The following PELP1 variants were observed in gnomAD, a reference collection of about 807,000 sequenced individuals.
PELP1 encodes the protein proline, glutamate and leucine rich protein 1.
In PELP1, 32 loss-of-function variants were observed where a neutral mutation model predicts 95.5. The observed-to-expected ratio is 0.34, with a 90% confidence interval of 0.25 to 0.45. The LOEUF is 0.45. Ranked by LOEUF, PELP1 falls within the 20% of genes least tolerant of loss-of-function variation. The pLI is 1.00. For synonymous variants in PELP1, 668 were observed against 600.1 expected, an observed-to-expected ratio of 1.11 and a Z score of -1.65; for missense variants, 1,358 against 1,444.8, an observed-to-expected ratio of 0.94 and a Z score of 0.97.
In PELP1 at chr17:4,673,290, A is replaced by T; in HGVS notation, c.1805T>A (p.Leu602Gln). The T allele has an allele frequency of 6.3e-7, 1 of 1,582,024 alleles. No homozygotes were observed. The highest frequency in any genetic ancestry group is 1.2e-5 in the South Asian group (1 of 86,734). Residue 602 changes from leucine (L) to glutamine (Q), a missense_variant, in exon 15 of 17, where the codon CTG becomes CAG. Physicochemically the swap from Leu to Gln is moderately radical, Grantham distance 113 (BLOSUM62 -2). Transcript: ENST00000572293. This position sits in a 1 kb window ranked among gnomAD's most constrained non-coding sequence, Gnocchi z 5.7. ...PRCPPPLACA[L>Q]QAFSLGQRED... ...TCGCTGGCCGAGGGAGAAGGCTTGC[A>T]GGGCACAGGCAAGAGGAGGTGGGCA...
intron 5 of PELP1, among the ~76,000 whole-genome samples, chr17:4,679,424 TAAA>T (rs538478582): frequency 6.6e-6 from 1 of 151,986 alleles, no homozygotes; most frequent in South Asian, 2.1e-4. Flanking sequence ...ACACTGAAAA[TAAA>T]AAAGCAACAG....
intron 1 of PELP1, among the ~76,000 whole-genome samples, chr17:4,700,406 A>G (rs1913478055): frequency 6.6e-6 from 1 of 151,930 alleles, no homozygotes; most frequent in South Asian, 2.1e-4. Flanking sequence ...GCACTTTGGG[A>G]GGTCGAGTGG....
In PELP1 at chr17:4,673,555, C is replaced by T; in HGVS notation, c.1638+64G>A. 1.3e-6 allele frequency: 2 copies of T among 1,566,476 alleles called. No homozygotes were observed. Among genetic ancestry groups the T allele is most frequent in the South Asian group, 2.2e-5 (2 of 90,106 alleles). ...GGAATGGACCCACCTCTGGGCCACA[C>T]CCCCCAATGTGTACAGAGCAGGGGC... On this transcript the variant is annotated intron_variant, in intron 14 of 16. Transcript: ENST00000572293. The surrounding 1 kb of genome is among the most constrained non-coding windows in gnomAD (Gnocchi z 5.7).
intron 1 of PELP1, among the ~76,000 whole-genome samples, chr17:4,692,882 C>T (rs747992025): frequency 5.3e-5 from 8 of 152,080 alleles, no homozygotes; most frequent in Non-Finnish European, 1.0e-4. Context: ...TGGTGACACG[C>T]GCCTGTCATC....
In PELP1 at chr17:4,671,998, T is replaced by A; in HGVS notation, c.2993A>T (p.Glu998Val). 1.3e-6 allele frequency: 2 copies of A among 1,558,098 alleles called. No homozygotes were observed. Reference sequence around the variant, plus strand: ...AAGCAGCCCGGGTTCAGGTTCGGGTTCTGGCTGCACCTTTGGGGGAGACTC... The same window carrying A: ...AAGCAGCCCGGGTTCAGGTTCGGGTACTGGCTGCACCTTTGGGGGAGACTC... ...PPESPPKVQP[E>V]PEPEPGLLLE... The change falls in exon 16 of 17, where the codon GAA becomes GTA. Residue 998 changes from glutamate to valine, a missense_variant. Glu to Val is a moderately radical substitution (Grantham distance 121). Coordinates refer to ENST00000572293, the MANE Select transcript of PELP1 (RefSeq NM_014389.3).
chr17:4,675,609 T>C lies in PELP1; in HGVS notation c.1068+188A>G. On this transcript the variant is annotated intron_variant, in intron 9 of 16. Coordinates refer to ENST00000572293, the MANE Select transcript of PELP1 (RefSeq NM_014389.3). The surrounding 1 kb of genome is among the most constrained non-coding windows in gnomAD (Gnocchi z 4.3). The stretch of plus-strand genomic sequence containing the variant: ...AAATTCACCCTCCCCCAAGGAAGCA[T>C]TTGCTACACTCTGACACTGTGCTCC... 1.4e-6 allele frequency: 1 copy of C among 713,086 alleles called. No individual in the cohort carries two copies. Among genetic ancestry groups the C allele is most frequent in the Non-Finnish European group, 2.6e-6 (1 of 390,010 alleles). The allele number at this position is 713,086 out of a possible 1,614,324, so 44.2% of individuals were successfully genotyped here.
At position 4,670,330 on chromosome 17, in the gene PELP1, C is replaced by CA. The variant is rs1206298412; in HGVS notation, c.*1108dup. On this transcript the variant is annotated 3_prime_UTR_variant, in exon 17 of 17. Coordinates refer to ENST00000572293, the MANE Select transcript of PELP1 (RefSeq NM_014389.3). ...AAAAAAAACCACGGGGCCCCTAGTT[C>CA]AAGCCCACCAATCTTGGTACCCTCT... is the stretch of plus-strand genomic sequence containing the variant. The CA allele has an allele frequency of 6.6e-6, 1 of 152,178 alleles. No individual in the cohort carries two copies. The highest frequency in any genetic ancestry group is 1.9e-4 in the East Asian group (1 of 5,200). The allele number at this position is 152,178 out of a possible 1,614,324, so 9.4% of individuals were successfully genotyped here.
In PELP1 at chr17:4,673,074, C is replaced by T. The variant is rs748093664; in HGVS notation, c.1917G>A (p.Gln639=). The T allele has an allele frequency of 9.2e-6, 14 of 1,525,214 alleles. No homozygotes were observed. Among genetic ancestry groups the T allele is most frequent in the Non-Finnish European group, 1.2e-5 (14 of 1,139,178 alleles). 94.5% of individuals were successfully genotyped at this position (1,525,214 alleles called of 1,614,324 possible). ...ALTHPRVPPL[Q]PMGPTCPTPA... ...GTGTGGGGCAGGTGGGGCCCATGGG[C>T]TGCAGGGGAGGAACCCGGGGGTGGG... Residue 639 remains glutamine, a synonymous_variant, in exon 16 of 17, where the codon CAG becomes CAA. Transcript: ENST00000572293. The surrounding 1 kb of genome is among the most constrained non-coding windows in gnomAD (Gnocchi z 5.7).
rs971269375 is a variant in PELP1, at chr17:4,696,415, T to C, written c.250-4973A>G. ...CAAAGAACAACAAGGAGACAAATTG[T>C]TGATGGAGAAAAGTGAGCAAGGTGG... On this transcript the variant is annotated intron_variant, in intron 1 of 16. Transcript: ENST00000572293. Among the ~76,000 whole-genome samples the C allele has an allele frequency of 5.3e-5, 8 of 152,086 alleles. 1 individual carries two copies. The highest frequency in any genetic ancestry group is 1.2e-4 in the Non-Finnish European group (8 of 68,012).
chr17:4,688,434 C>T (rs1265954245), intron 3 of PELP1, among the ~76,000 whole-genome samples: 1 of 151,912 alleles, frequency 6.6e-6, no homozygotes, highest in Admixed American at 6.6e-5. Context: ...TGATCATATA[C>T]CTAGAACACC....
chr17:4,690,417 A>T (rs1913058401), intron 3 of PELP1, among the ~76,000 whole-genome samples: 1 of 152,050 alleles, frequency 6.6e-6, no homozygotes, highest in Non-Finnish European at 1.5e-5. Flanking sequence ...CCCCAAAACT[A>T]CTGAAATAAA....
chr17:4,673,165 C>A lies in PELP1; in HGVS notation c.1846-20G>T. ...GGAGACCTGAGGAAAGAAGAAAGGG[C>A]AAGTGTGAGCACCAGAAATACTGGG... On this transcript the variant is annotated intron_variant, in intron 15 of 16. Coordinates refer to ENST00000572293, the MANE Select transcript of PELP1 (RefSeq NM_014389.3). This position sits in a 1 kb window ranked among gnomAD's most constrained non-coding sequence, Gnocchi z 5.7. 1 of 1,510,212 alleles carries A rather than the reference C, an allele frequency of 6.6e-7. No individual in the cohort carries two copies. Among genetic ancestry groups the A allele is most frequent in the South Asian group, 1.3e-5 (1 of 75,748 alleles). The allele number at this position is 1,510,212 out of a possible 1,614,324, so 93.6% of individuals were successfully genotyped here. A position where few individuals can be genotyped will look rare whatever the true frequency, so the allele number is the denominator to read the frequency against.
In PELP1 at chr17:4,675,410, G is replaced by T; in HGVS notation, c.1069-48C>A. Reference sequence around the variant, plus strand: ...TAAAGAGTGGAGGAAGAAAGTGAGAGCCAGAGAGAGACAGAAACAGGGAAT... The same window carrying T: ...TAAAGAGTGGAGGAAGAAAGTGAGATCCAGAGAGAGACAGAAACAGGGAAT... On this transcript the variant is annotated intron_variant, in intron 9 of 16. Coordinates refer to ENST00000572293, the MANE Select transcript of PELP1 (RefSeq NM_014389.3). This position sits in a 1 kb window ranked among gnomAD's most constrained non-coding sequence, Gnocchi z 4.3. The T allele has an allele frequency of 1.7e-6, 2 of 1,167,970 alleles. No homozygotes were observed. 72.4% of individuals were successfully genotyped at this position (1,167,970 alleles called of 1,614,324 possible).
chr17:4,680,995 C>T (rs1459700302), intron 5 of PELP1, among the ~76,000 whole-genome samples: 1 of 152,228 alleles, frequency 6.6e-6, no homozygotes, highest in East Asian at 1.9e-4. Context: ...CACATACACC[C>T]TGACCTGCCT....
rs574153069 is a variant in PELP1, at chr17:4,671,436, T to C, written c.*3A>G. 2.3e-5 allele frequency: 32 copies of C among 1,372,292 alleles called. 1 individual carries two copies. The South Asian group carries it at 3.4e-4, about 14-fold the overall frequency. 85.0% of individuals were successfully genotyped at this position (1,372,292 alleles called of 1,614,324 possible). A position where few individuals can be genotyped will look rare whatever the true frequency, so the allele number is the denominator to read the frequency against. On this transcript the variant is annotated 3_prime_UTR_variant, in exon 17 of 17. Transcript: ENST00000572293. Reference sequence around the variant, plus strand: ...GAAACAAAGAGTGGGGTGCAGAAGATGGCTAGGAGTCAGGCTCTGTGGGAG... The same window carrying C: ...GAAACAAAGAGTGGGGTGCAGAAGACGGCTAGGAGTCAGGCTCTGTGGGAG...
At chr17:4,699,895 T>C (rs1913449904) in intron 1 of PELP1, among the ~76,000 whole-genome samples, 1 of 105,822 alleles carries the variant, frequency 9.4e-6, no homozygotes, top group South Asian at 3.5e-4. Context: ...CCCTAGAGGG[T>C]GATTTTTTTT....
At position 4,676,408 on chromosome 17, in the gene PELP1, G is replaced by T; in HGVS notation, c.802C>A (p.Leu268Met). 6.2e-7 allele frequency: 1 copy of T among 1,613,532 alleles called. No homozygotes were observed. Among genetic ancestry groups the T allele is most frequent in the Non-Finnish European group, 8.5e-7 (1 of 1,179,760 alleles). ...ESWEQELHSL[L>M]ASLHTLLGAL... ...CCCAGCAGGGTGTGCAGTGAGGCCA[G>T]CAGACTGTGTAGCTCCTGCTCCCAG... The change falls in exon 7 of 17, where the codon CTG becomes ATG. Residue 268 changes from leucine to methionine, a missense_variant. Transcript: ENST00000572293.
chr17:4,702,539 A>G (rs749988414), intron 1 of PELP1, among the ~76,000 whole-genome samples: 2 of 152,242 alleles, frequency 1.3e-5, no homozygotes, highest in Non-Finnish European at 2.9e-5. Flanking sequence ...ACAAGAGAAA[A>G]TACATAATCA....
intron 5 of PELP1, among the ~76,000 whole-genome samples, chr17:4,681,668 T>C (rs942229380): frequency 2.0e-5 from 3 of 150,954 alleles, no homozygotes; most frequent in Non-Finnish European, 2.9e-5. Context: ...GGCGTAGTGG[T>C]ATGCACCTGC....
Sources: allele counts gnomAD v4.1 joint callset (sites outside exome capture counted in the v4.1 genomes callset), GRCh38; gene constraint gnomAD v4.1.1; non-coding constraint Gnocchi (gnomAD v3.1); transcripts MANE v1.5; gene names NCBI Gene and HGNC (gene_info 2026-07-23, HGNC 2026-07-21).